MYO7A: variants seen among roughly 807,000 people sequenced by gnomAD.
The protein encoded by MYO7A is myosin VIIA, also known as unconventional myosin-VIIa.
MYO7A carries 210 observed loss-of-function variants against 263.8 expected under a neutral mutation model. The observed-to-expected ratio is 0.80, with a 90% CI of 0.71 to 0.89. MYO7A has a LOEUF of 0.89. MYO7A is among the 40% of genes least tolerant of loss of function. The pLI, the probability that MYO7A is intolerant of heterozygous loss-of-function variation, is 0.00. For missense variants in MYO7A, 2,820 were observed against 2,968.3 expected, an observed-to-expected ratio of 0.95 and a Z score of 1.16; for synonymous variants, 1,239 against 1,197.3, an observed-to-expected ratio of 1.03 and a Z score of -0.72.
Position 77,160,173 on chromosome 11 carries a change from C to G in MYO7A, c.1091C>G (p.Pro364Arg). 5 of 1,562,082 alleles carry G rather than the reference C, an allele frequency of 3.2e-6. No homozygotes were observed. Among genetic ancestry groups the G allele is most frequent in the Non-Finnish European group, 4.3e-6 (5 of 1,154,010 alleles). Residue 364 changes from proline to arginine, a missense_variant, in exon 11 of 49, where the codon CCA becomes CGA. By Grantham distance (103) the Pro-to-Arg change is moderately radical (BLOSUM62 -2). Transcript: ENST00000409709. ...TGTTGCCTGTACCAGGTGAACCCCC[C>G]AGACCTGATGAGCTGCCTGACTAGC... is the stretch of plus-strand genomic sequence containing the variant. ...TAASLLEVNP[P>R]DLMSCLTSRT...
At chr11:77,168,454 C>G (rs1394642166) in intron 15 of MYO7A, among the ~76,000 whole-genome samples, 2 of 152,228 alleles carry the variant, frequency 1.3e-5, no homozygotes, top group African/African-American at 2.4e-5. Flanking sequence ...TCACTCCCCA[C>G]TGCAACCTGG....
chr11:77,137,089 T>G (rs1950930939), intron 2 of MYO7A, among the ~76,000 whole-genome samples: 1 of 152,214 alleles, frequency 6.6e-6, no homozygotes, highest in Non-Finnish European at 1.5e-5. Context: ...CCTGTCCCAA[T>G]GTACTGCTAT....
At chr11:77,150,235 T>A (rs1951869994) in intron 4 of MYO7A, among the ~76,000 whole-genome samples, 1 of 152,152 alleles carries the variant, frequency 6.6e-6, no homozygotes, top group African/African-American at 2.4e-5. Context: ...TGCAGACCAG[T>A]GTCTCAGCAT....
chr11:77,134,614 C>T (rs1203286059), intron 2 of MYO7A, among the ~76,000 whole-genome samples: 1 of 151,982 alleles, frequency 6.6e-6, no homozygotes, highest in Non-Finnish European at 1.5e-5. Flanking sequence ...AGTACAGGCG[C>T]CTATCACTGT....
At position 77,128,726 on chromosome 11, in the gene MYO7A, A is replaced by G. The variant is rs1403714901; in HGVS notation, c.-47+237A>G. Among the ~76,000 whole-genome samples, 7 of 152,208 alleles carry G rather than the reference A, an allele frequency of 4.6e-5. No homozygotes were observed. The South Asian group carries it at 1.5e-3, about 32-fold the overall frequency. On this transcript the variant is annotated intron_variant, in intron 1 of 48. Coordinates refer to ENST00000409709, the MANE Select transcript of MYO7A (RefSeq NM_000260.4). ...AGCCAAGGAGCATGTTGTCCATCGA[A>G]TCTTCTCTGAGCTGGGGCTGGGGTT... is the stretch of plus-strand genomic sequence containing the variant.
intron 2 of MYO7A, among the ~76,000 whole-genome samples, chr11:77,131,058 T>G (rs1043348059): frequency 6.6e-6 from 1 of 151,362 alleles, no homozygotes; most frequent in Non-Finnish European, 1.5e-5. Flanking sequence ...GGGCGGGGGG[T>G]GACAAGGCTT....
intron 20 of MYO7A, 145 bp from the exon 21 acceptor site, chr11:77,179,590 G>A (rs1954991355): frequency 3.0e-6 from 2 of 670,446 alleles, no homozygotes. Flanking sequence ...TAACGATGGG[G>A]GGGCACTAAT....
chr11:77,131,416 G>C (rs1451886847), intron 2 of MYO7A, among the ~76,000 whole-genome samples: 1 of 151,994 alleles, frequency 6.6e-6, no homozygotes, highest in South Asian at 2.1e-4. Flanking sequence ...GTGCGTGCGC[G>C]TGTGTGTGTC....
chr11:77,131,513 G>A (rs1173400919), intron 2 of MYO7A, among the ~76,000 whole-genome samples: 2 of 152,226 alleles, frequency 1.3e-5, no homozygotes, highest in Non-Finnish European at 2.9e-5. Flanking sequence ...CCCCTTTAGA[G>A]CCCCTTGGCC....
intron 20 of MYO7A, 115 bp from the exon 21 acceptor site, chr11:77,179,620 C>T (rs1180646576): frequency 4.4e-6 from 4 of 899,638 alleles, no homozygotes; most frequent in Non-Finnish European, 6.6e-6. Flanking sequence ...GACTGGGCCA[C>T]GCCTTCTGGG....
rs1472566324 is a variant in MYO7A at position 77,156,676 on chromosome 11, G to A, written c.487G>A (p.Gly163Arg). 3.7e-6 allele frequency: 6 copies of A among 1,613,778 alleles called. No homozygotes were observed. Among genetic ancestry groups the A allele is most frequent in the South Asian group, 2.2e-5 (2 of 91,066 alleles). The change falls in exon 6 of 49, where the codon GGG becomes AGG. Residue 163 changes from glycine to arginine, a missense_variant. Coordinates refer to ENST00000409709, the MANE Select transcript of MYO7A (RefSeq NM_000260.4). ...CCIISGESGA[G>R]KTESTKLILQ... is the part of the protein sequence containing the mutation. ...CCTCTGCAGTGGGGAATCTGGGGCCGGGAAGACGGAGAGCACAAAGCTGAT... is the reference window on the plus strand; with the variant it reads ...CCTCTGCAGTGGGGAATCTGGGGCCAGGAAGACGGAGAGCACAAAGCTGAT...
chr11:77,212,297 C>G (rs761109053), intron 46 of MYO7A: 18 of 411,782 alleles, frequency 4.4e-5, no homozygotes, highest in African/African-American at 4.1e-5. Flanking sequence ...GCTTTCCAGG[C>G]AGACCCTGGA....
intron 14 of MYO7A, among the ~76,000 whole-genome samples, chr11:77,165,137 A>G (rs1555071662): frequency 6.6e-6 from 1 of 152,172 alleles, no homozygotes; most frequent in East Asian, 1.9e-4. Flanking sequence ...TTACATCCCA[A>G]CTGCAAAGCC....
At chr11:77,129,130 GC>G (rs1950690901) in intron 1 of MYO7A, among the ~76,000 whole-genome samples, 1 of 152,170 alleles carries the variant, frequency 6.6e-6, no homozygotes, top group South Asian at 2.1e-4. Context: ...ATCCCTTGGA[GC>G]CCCATGTCTC....
chr11:77,164,671 G>A (rs1555071419), intron 14 of MYO7A, among the ~76,000 whole-genome samples: 3 of 152,226 alleles, frequency 2.0e-5, no homozygotes, highest in African/African-American at 7.2e-5. Flanking sequence ...ATAGAGGATT[G>A]TATTTCTCAG....
intron 19 of MYO7A, among the ~76,000 whole-genome samples, chr11:77,178,144 C>T (rs1330514192): frequency 2.2e-5 from 1 of 44,928 alleles, no homozygotes; most frequent in Non-Finnish European, 4.9e-5. Flanking sequence ...CCTTCTTCCA[C>T]TCGTCCACCC....
rs1555051466 is a variant in MYO7A, at chr11:77,142,750, C to T, written c.60C>T (p.Phe20=). The change falls in exon 3 of 49, where the codon TTC becomes TTT. Residue 20 remains phenylalanine, a synonymous_variant. Transcript: ENST00000409709. ...VWMDLRLGQE[F]DVPIGAVVKL... is the part of the protein sequence containing the mutation. ...TGGACCTGAGATTGGGGCAGGAGTT[C>T]GACGTGCCCATCGGGGCGGTGGTGA... 6.2e-6 allele frequency: 10 copies of T among 1,611,904 alleles called. No individual in the cohort carries two copies. The highest frequency in any genetic ancestry group is 1.3e-5 in the African/African-American group (1 of 75,002).
chr11:77,167,720 G>A (rs540307900), intron 15 of MYO7A, among the ~76,000 whole-genome samples: 1 of 152,230 alleles, frequency 6.6e-6, no homozygotes, highest in Admixed American at 6.5e-5. Flanking sequence ...TTGGCCTGGT[G>A]CTGAGTCCTT....
intron 38 of MYO7A, among the ~76,000 whole-genome samples, chr11:77,203,765 G>T (rs1957242749): frequency 6.6e-6 from 1 of 152,168 alleles, no homozygotes; most frequent in African/African-American, 2.4e-5. Context: ...GCTTAGGCAG[G>T]GTTCCCAAGC....
Sources: allele counts gnomAD v4.1 joint callset (sites outside exome capture counted in the v4.1 genomes callset), GRCh38; gene constraint gnomAD v4.1.1; transcripts MANE v1.5; gene names NCBI Gene and HGNC (gene_info 2026-07-23, HGNC 2026-07-21).